FAM81A: variants seen among roughly 807,000 people sequenced by gnomAD.
The protein encoded by FAM81A is family with sequence similarity 81 member A, also known as protein FAM81A.
A neutral mutation model predicts 46.7 loss-of-function variants in FAM81A; 19 were observed. That is an observed-to-expected ratio of 0.41 (90% CI 0.28 to 0.60). FAM81A has a LOEUF of 0.60. Among genes scored for constraint, FAM81A ranks in the 20% least tolerant of loss-of-function variants. FAM81A has a pLI of 0.34. For synonymous variants in FAM81A, 183 were observed against 152.9 expected (o/e 1.20, Z -1.45); for missense variants, 377 against 453.5 (o/e 0.83, Z 1.53).
At chr15:59,509,899 A>AT (rs1261101676) in intron 6 of FAM81A, among the ~76,000 whole-genome samples, 1 of 152,086 alleles carries the variant, frequency 6.6e-6, no homozygotes, top group Non-Finnish European at 1.5e-5. Flanking sequence ...CGCAGTTGTG[A>AT]TTTTTTGTGA....
chr15:59,521,245 T>G lies in FAM81A; in HGVS notation c.983-9T>G. Reference sequence around the variant, plus strand: ...TGTTAACTGTTGTGAAATTTACCTCTCCTTCAAGGGTTTACAGCCGTCTAT... The same window carrying G: ...TGTTAACTGTTGTGAAATTTACCTCGCCTTCAAGGGTTTACAGCCGTCTAT... On this transcript the variant is annotated splice_polypyrimidine_tract_variant and intron_variant, in intron 8 of 8. Coordinates refer to ENST00000288228, the MANE Select transcript of FAM81A (RefSeq NM_152450.3). 3 of 1,600,258 alleles carry G rather than the reference T, an allele frequency of 1.9e-6. No individual in the cohort carries two copies. In the South Asian group the frequency reaches 3.4e-5, roughly 18 times the overall value.
At chr15:59,487,543 C>T (rs530034000) in intron 3 of FAM81A, among the ~76,000 whole-genome samples, 1 of 151,710 alleles carries the variant, frequency 6.6e-6, no homozygotes, top group African/African-American at 2.4e-5. Context: ...AAAGACCCAA[C>T]TAAATAAAAT....
intron 6 of FAM81A, among the ~76,000 whole-genome samples, chr15:59,513,246 A>G (rs1456715644): frequency 1.3e-5 from 2 of 152,164 alleles, no homozygotes; most frequent in Non-Finnish European, 2.9e-5. Context: ...TACATTAGGA[A>G]ATATCCATAG....
chr15:59,458,638 G>C lies in FAM81A; in HGVS notation c.12G>C (p.Met4Ile). 1 of 1,613,732 alleles carries C rather than the reference G, an allele frequency of 6.2e-7. No individual in the cohort carries two copies. The highest frequency in any genetic ancestry group is 8.5e-7 in the Non-Finnish European group (1 of 1,179,632). The change falls in exon 2 of 9, where the codon ATG (methionine) becomes ATC (isoleucine). Residue 4 changes from methionine to isoleucine, a missense_variant. Transcript: ENST00000288228. Reference protein sequence around the residue: MENMHLRRVRTMPR... With the variant: MENIHLRRVRTMPR... ...GAAAGGTATAATATATGGAAAATAT[G>C]CATCTAAGGTATACTTTTCCTTTCC...
upstream of FAM81A, among the ~76,000 whole-genome samples, chr15:59,436,305 G>A (rs896465063): frequency 6.6e-6 from 1 of 152,082 alleles, no homozygotes; most frequent in African/African-American, 2.4e-5. Context: ...CTGTTTTATA[G>A]GTGTTCCATT....
intron 3 of FAM81A, among the ~76,000 whole-genome samples, chr15:59,465,649 G>A (rs1392010441): frequency 1.3e-5 from 2 of 152,114 alleles, no homozygotes; most frequent in Admixed American, 6.6e-5. Flanking sequence ...AGGGTTTTTG[G>A]TTGAGTGCAG....
Position 59,507,209 on chromosome 15 carries a change from A to G in FAM81A, c.414-4A>G. On this transcript the variant is annotated splice_region_variant and splice_polypyrimidine_tract_variant and intron_variant, in intron 4 of 8. Transcript: ENST00000288228. ...AGAATCAGCTTTGTTCTTTGTCTGG[A>G]CAGATGTGATGCCAGCATAGCTAGA... 1 of 1,609,098 alleles carries G rather than the reference A, an allele frequency of 6.2e-7. No homozygotes were observed. The highest frequency in any genetic ancestry group is 8.5e-7 in the Non-Finnish European group (1 of 1,177,600).
rs1255492905 is a variant in FAM81A at position 59,460,285 on chromosome 15, T to G, written c.294+79T>G. On this transcript the variant is annotated intron_variant, in intron 3 of 8. Coordinates refer to ENST00000288228, the MANE Select transcript of FAM81A (RefSeq NM_152450.3). This position sits in a 1 kb window ranked among gnomAD's most constrained non-coding sequence, Gnocchi z 4.4. The stretch of plus-strand genomic sequence containing the variant: ...TGTCAGGAGGTCACCCACATCTAAC[T>G]CCTACCTCCCAGGCAGTACTGCATT... 3 of 1,574,408 alleles carry G rather than the reference T, an allele frequency of 1.9e-6. No individual in the cohort carries two copies. The highest frequency in any genetic ancestry group is 2.6e-6 in the Non-Finnish European group (3 of 1,145,568).
intron 8 of FAM81A, among the ~76,000 whole-genome samples, chr15:59,519,480 C>T (rs1350511265): frequency 1.4e-5 from 2 of 146,386 alleles, no homozygotes; most frequent in African/African-American, 5.0e-5. Flanking sequence ...CCTTTCCTTC[C>T]TTCCTTCCTT....
At chr15:59,468,347 T>A (rs1567056880) in intron 3 of FAM81A, among the ~76,000 whole-genome samples, 1 of 152,206 alleles carries the variant, frequency 6.6e-6, no homozygotes, top group African/African-American at 2.4e-5. Context: ...CTGGACTTTT[T>A]TTGACTGGTG....
chr15:59,427,661 G>T (rs907063578), intron 2 of FAM81A, among the ~76,000 whole-genome samples: 11 of 152,152 alleles, frequency 7.2e-5, no homozygotes, highest in African/African-American at 2.2e-4. Flanking sequence ...TGCAAAGTTT[G>T]TCTTTCTGTG....
chr15:59,523,498 A>G lies in FAM81A; in HGVS notation c.*2120A>G, dbSNP rs1406171902. On this transcript the variant is annotated 3_prime_UTR_variant, in exon 9 of 9. Transcript: ENST00000288228. ...AAAGCTCAAATGAGAATCAGCTTCC[A>G]TGTTCTTTCCTTTACCAGAAATTTG... 6.6e-6 allele frequency: 1 copy of G among 152,246 alleles called. No individual in the cohort carries two copies. The highest frequency in any genetic ancestry group is 1.9e-4 in the East Asian group (1 of 5,204). 9.4% of individuals were successfully genotyped at this position (152,246 alleles called of 1,614,324 possible).
intron 1 of FAM81A, among the ~76,000 whole-genome samples, chr15:59,441,497 T>G (rs769811785): frequency 1.8e-4 from 27 of 152,256 alleles, no homozygotes; most frequent in Non-Finnish European, 3.7e-4. Context: ...GGCTATCGTA[T>G]GGGGTAGCAC....
At chr15:59,482,132 G>C (rs1218347731) in intron 3 of FAM81A, among the ~76,000 whole-genome samples, 1 of 152,062 alleles carries the variant, frequency 6.6e-6, no homozygotes, top group South Asian at 2.1e-4. Flanking sequence ...TACTAGAAAG[G>C]TTGAACCTTT....
chr15:59,452,628 C>T (rs1210714749), intron 1 of FAM81A, among the ~76,000 whole-genome samples: 2 of 152,074 alleles, frequency 1.3e-5, no homozygotes, highest in Admixed American at 6.5e-5. Flanking sequence ...ACCTGGGTGA[C>T]AGAATGAGAC....
chr15:59,484,934 C>G (rs1275361738), intron 3 of FAM81A, among the ~76,000 whole-genome samples: 1 of 152,146 alleles, frequency 6.6e-6, no homozygotes, highest in African/African-American at 2.4e-5. Flanking sequence ...GGATTCACCA[C>G]AAACTGAATA....
At chr15:59,444,882 G>A (rs1305145807) in intron 1 of FAM81A, among the ~76,000 whole-genome samples, 1 of 152,160 alleles carries the variant, frequency 6.6e-6, no homozygotes, top group South Asian at 2.1e-4. Flanking sequence ...GTCTTTTGTC[G>A]ACTCCTTCCA....
chr15:59,485,705 T>G (rs1318439334), intron 3 of FAM81A, among the ~76,000 whole-genome samples: 2 of 152,284 alleles, frequency 1.3e-5, no homozygotes, highest in Middle Eastern at 3.4e-3. Context: ...CAAGACCATC[T>G]AGGAAAACAT....
intron 2 of FAM81A, among the ~76,000 whole-genome samples, chr15:59,459,519 G>A (rs1485311593): frequency 6.6e-6 from 1 of 152,138 alleles, no homozygotes; most frequent in African/African-American, 2.4e-5. Flanking sequence ...TGCCTCATAT[G>A]TAGTATGCTT....
Sources: allele counts gnomAD v4.1 joint callset (sites outside exome capture counted in the v4.1 genomes callset), GRCh38; gene constraint gnomAD v4.1.1; non-coding constraint Gnocchi (gnomAD v3.1); transcripts MANE v1.5; gene names NCBI Gene and HGNC (gene_info 2026-07-23, HGNC 2026-07-21).